Variants in RAPH1 observed in about 807,000 individuals in gnomAD.
The protein encoded by RAPH1 is ras-associated and pleckstrin homology domains-containing protein 1.
A neutral mutation model predicts 88.1 loss-of-function variants in RAPH1; 18 were observed. The ratio of observed to expected loss-of-function variants is 0.20; its 90% CI spans 0.14 to 0.30. The LOEUF (loss-of-function observed/expected upper bound fraction) is 0.30. RAPH1 is among the 10% of genes least tolerant of loss of function. RAPH1 has a pLI of 1.00. For missense variants in RAPH1, 1,448 were observed against 1,543.2 expected (o/e 0.94, Z 1.03); for synonymous variants, 587 against 559.0 (o/e 1.05, Z -0.71).
chr2:203,441,691 T>C, intron 13 of RAPH1: 2 of 1,309,332 alleles, frequency 1.5e-6, no homozygotes, highest in Non-Finnish European at 1.9e-6. Flanking sequence ...AAAAGCTGTT[T>C]GAATGGTGAC....
chr2:203,457,586 A>C lies in RAPH1; in HGVS notation c.1102T>G (p.Leu368Val). ...ATCTCAGCTGTTTCTTTTTTCCCCAAAAGATAATTCTGGAAAAACAAACAT... is the reference window on the plus strand; with the variant it reads ...ATCTCAGCTGTTTCTTTTTTCCCCACAAGATAATTCTGGAAAAACAAACAT... ...ALFKNPQNYL[L>V]GKKETAEMAD... The change falls in exon 8 of 14, where the codon TTG (leucine) becomes GTG (valine). Residue 368 changes from leucine to valine, a missense_variant. This residue lies in a region of RAPH1 where 513 missense variants were observed against 653.1 expected (regional missense o/e 0.79). Transcript: ENST00000319170. 1 of 1,610,564 alleles carries C rather than the reference A, an allele frequency of 6.2e-7. No individual in the cohort carries two copies. The highest frequency in any genetic ancestry group is 8.5e-7 in the Non-Finnish European group (1 of 1,176,804).
In RAPH1 at chr2:203,439,479, G is replaced by GGCA; in HGVS notation, c.3710_3711insTGC (p.Pro1237_Pro1238insAla). Reference sequence around the variant, plus strand: ...GCTTGGTGTTCTGGTCTCTTTTGGGGGGAGCAGGAGGGGGTCCTCTCCGCA... The same window carrying GGCA: ...GCTTGGTGTTCTGGTCTCTTTTGGGGGCAGGAGCAGGAGGGGGTCCTCTCCGCA... On this transcript the variant is annotated inframe_insertion, in exon 14 of 14. Transcript: ENST00000319170. 1 of 1,613,978 alleles carries GGCA rather than the reference G, an allele frequency of 6.2e-7. No individual in the cohort carries two copies. The highest frequency in any genetic ancestry group is 8.5e-7 in the Non-Finnish European group (1 of 1,180,012).
chr2:203,528,076 G>C (rs1456205017), intron 1 of RAPH1, among the ~76,000 whole-genome samples: 1 of 152,056 alleles, frequency 6.6e-6, no homozygotes, highest in Non-Finnish European at 1.5e-5. Context: ...GATGAAGTAA[G>C]CATTTATCTT....
At chr2:203,532,505 C>T (rs1373164081) in intron 1 of RAPH1, among the ~76,000 whole-genome samples, 2 of 152,110 alleles carry the variant, frequency 1.3e-5, no homozygotes, top group African/African-American at 2.4e-5. Context: ...AATTAGGCTG[C>T]CCGGTTTCAA....
intron 6 of RAPH1, among the ~76,000 whole-genome samples, chr2:203,460,379 T>G (rs1559461240): frequency 1.3e-5 from 2 of 152,204 alleles, no homozygotes; most frequent in African/African-American, 2.4e-5. Context: ...CCTATTTAGT[T>G]CTTGGCATTT....
At chr2:203,513,509 A>G (rs1689455016) in intron 1 of RAPH1, among the ~76,000 whole-genome samples, 1 of 111,446 alleles carries the variant, frequency 9.0e-6, no homozygotes, top group Admixed American at 1.2e-4. Flanking sequence ...CCACCACATT[A>G]TGCCCCGCCC....
intron 6 of RAPH1, among the ~76,000 whole-genome samples, chr2:203,460,929 A>G (rs757090550): frequency 6.6e-6 from 1 of 151,632 alleles, no homozygotes; most frequent in Non-Finnish European, 1.5e-5. Context: ...ATCCTGGCCA[A>G]CAGGTGAAAC....
chr2:203,461,684 C>A (rs2098524332), intron 5 of RAPH1, among the ~76,000 whole-genome samples, 164 bp downstream of exon 5: 1 of 152,122 alleles, frequency 6.6e-6, no homozygotes, highest in Non-Finnish European at 1.5e-5. Flanking sequence ...TTTTATAATG[C>A]ATTTTACCCA....
At chr2:203,449,107 T>C (rs1254614580) in intron 10 of RAPH1, among the ~76,000 whole-genome samples, 1 of 152,262 alleles carries the variant, frequency 6.6e-6, no homozygotes, top group Non-Finnish European at 1.5e-5. Context: ...ACGTTCCTTC[T>C]ACATTTCAAA....
chr2:203,502,819 CAA>C (rs745644429), intron 1 of RAPH1, among the ~76,000 whole-genome samples: 19 of 97,640 alleles, frequency 1.9e-4, no homozygotes, highest in South Asian at 3.3e-4. Context: ...GACTCCGTCC[CAA>C]AAAAAAAAAA....
intron 2 of RAPH1, among the ~76,000 whole-genome samples, chr2:203,494,740 C>T (rs2732870): frequency 2.0e-5 from 3 of 147,522 alleles, no homozygotes; most frequent in Non-Finnish European, 4.4e-5. Context: ...ACCCCGGAGA[C>T]GGAGCTTGCG....
intron 1 of RAPH1, among the ~76,000 whole-genome samples, chr2:203,514,843 C>T (rs750807768): frequency 6.6e-5 from 10 of 152,092 alleles, no homozygotes; most frequent in Non-Finnish European, 1.0e-4. Flanking sequence ...CATGAGCCAC[C>T]GCACCTGGCC....
In RAPH1 at chr2:203,530,875, G is replaced by C. The variant is rs143676321; in HGVS notation, c.-1+4236C>G. On this transcript the variant is annotated intron_variant, in intron 1 of 13. Transcript: ENST00000319170. Reference sequence around the variant, plus strand: ...CCATTGCACTCCAGCCTGGGCAACAGAGTAAGACTCCATCTCAAAAAAAAA... The same window carrying C: ...CCATTGCACTCCAGCCTGGGCAACACAGTAAGACTCCATCTCAAAAAAAAA... Among the ~76,000 whole-genome samples, 631 of 148,824 alleles carry C rather than the reference G, an allele frequency of 4.2e-3. 4 individuals carry two copies. The highest frequency in any genetic ancestry group is 0.015 in the African/African-American group (614 of 40,172).
At chr2:203,450,927 C>G (rs1660585531) in intron 10 of RAPH1, among the ~76,000 whole-genome samples, 1 of 150,620 alleles carries the variant, frequency 6.6e-6, no homozygotes. Flanking sequence ...AAAACAACAT[C>G]TGGGAAAATC....
intron 4 of RAPH1, among the ~76,000 whole-genome samples, chr2:203,467,899 C>T (rs2098529898): frequency 6.6e-6 from 1 of 151,920 alleles, no homozygotes; most frequent in South Asian, 2.1e-4. Flanking sequence ...TCCTGAGTAG[C>T]TGGGACTACA....
At chr2:203,492,170 G>C (rs1421078344) in intron 2 of RAPH1, among the ~76,000 whole-genome samples, 1 of 149,684 alleles carries the variant, frequency 6.7e-6, no homozygotes, top group South Asian at 2.2e-4. Flanking sequence ...AGAGGCAGAG[G>C]TTGCAGTGAG....
chr2:203,477,538 T>C (rs935268581), intron 4 of RAPH1, among the ~76,000 whole-genome samples: 2 of 152,220 alleles, frequency 1.3e-5, no homozygotes, highest in Non-Finnish European at 2.9e-5. Context: ...TAAGTCTCTA[T>C]GTTCTTCAAG....
At chr2:203,467,408 T>C (rs2098529410) in intron 4 of RAPH1, among the ~76,000 whole-genome samples, 1 of 151,268 alleles carries the variant, frequency 6.6e-6, no homozygotes, top group Admixed American at 6.6e-5. Context: ...CTAGCCATGA[T>C]AGCGAAACCC....
intron 10 of RAPH1, 52 bp downstream of exon 10, chr2:203,454,378 C>A: frequency 3.3e-6 from 4 of 1,198,354 alleles, no homozygotes; most frequent in Non-Finnish European, 3.6e-6. Flanking sequence ...ATCCAATAAC[C>A]TGCTCTATGT....
Sources: allele counts gnomAD v4.1 joint callset (sites outside exome capture counted in the v4.1 genomes callset), GRCh38; gene constraint gnomAD v4.1.1; regional missense constraint gnomAD v4.1.1; transcripts MANE v1.5; gene names NCBI Gene and HGNC (gene_info 2026-07-23, HGNC 2026-07-21).